Variants in INSYN2B observed in about 807,000 individuals in gnomAD.
INSYN2B encodes the protein inhibitory synaptic factor family member 2B.
INSYN2B carries 16 observed loss-of-function variants against 41.2 expected under a neutral mutation model. The ratio of observed to expected loss-of-function variants is 0.39; its 90% CI spans 0.26 to 0.59. The LOEUF is 0.59. INSYN2B is among the 20% of genes least tolerant of loss of function. INSYN2B has a pLI of 0.57. For missense variants in INSYN2B, 608 were observed against 646.4 expected (o/e 0.94, Z 0.64); for synonymous variants, 245 against 244.4 (o/e 1.00, Z -0.02).
At chr5:169,907,420 C>T (rs576261533) in intron 1 of INSYN2B, among the ~76,000 whole-genome samples, 50 of 152,280 alleles carry the variant, frequency 3.3e-4, no homozygotes, top group Non-Finnish European at 3.4e-4. Context: ...GTTTAAGTGG[C>T]TGATAATTGG....
intron 1 of INSYN2B, among the ~76,000 whole-genome samples, chr5:169,968,983 T>C (rs1777401571): frequency 6.6e-6 from 1 of 152,192 alleles, no homozygotes; most frequent in Non-Finnish European, 1.5e-5. Flanking sequence ...ACCATGCCTC[T>C]ACAAAAAATT....
At position 169,882,941 on chromosome 5, in the gene INSYN2B, G is replaced by A. The variant is rs1772746389; in HGVS notation, c.958C>T (p.Pro320Ser). Residue 320 changes from proline (P) to serine (S), a missense_variant, in exon 2 of 4, where the codon CCA becomes TCA. Physicochemically the swap from Pro to Ser is moderately conservative, Grantham distance 74. Transcript: ENST00000377365. ...TCTGAGGCTCTTCCTGGGTGGGCTG[G>A]CTGGCTGTGGGAGCCTTGTGAGGGG... Reference protein sequence around the residue: ...SSPSQGSHSQPAHPGRASDCP... With the variant: ...SSPSQGSHSQSAHPGRASDCP... The A allele has an allele frequency of 6.4e-7, 1 of 1,551,756 alleles. No homozygotes were observed. Among genetic ancestry groups the A allele is most frequent in the Non-Finnish European group, 8.7e-7 (1 of 1,146,976 alleles).
At chr5:169,898,430 G>C (rs1773733591) in intron 1 of INSYN2B, among the ~76,000 whole-genome samples, 1 of 152,140 alleles carries the variant, frequency 6.6e-6, no homozygotes, top group African/African-American at 2.4e-5. Flanking sequence ...TACTAGCTCT[G>C]TGACCTTGGT....
chr5:169,918,313 C>T (rs115992083), intron 1 of INSYN2B, among the ~76,000 whole-genome samples: 2 of 152,304 alleles, frequency 1.3e-5, no homozygotes, highest in South Asian at 2.1e-4. Flanking sequence ...ATAAATTATA[C>T]TCTGCCTATA....
At chr5:169,899,279 G>A (rs898608200) in intron 1 of INSYN2B, among the ~76,000 whole-genome samples, 1 of 152,184 alleles carries the variant, frequency 6.6e-6, no homozygotes, top group Non-Finnish European at 1.5e-5. Flanking sequence ...ATTAGGAAGA[G>A]CAAGAGTCTT....
chr5:169,894,436 T>C (rs549526208), intron 1 of INSYN2B, among the ~76,000 whole-genome samples: 1 of 152,302 alleles, frequency 6.6e-6, no homozygotes, highest in East Asian at 1.9e-4. Context: ...AGGACAACTG[T>C]TGGGCCCTGG....
At chr5:169,954,035 G>A (rs1158135292) in intron 1 of INSYN2B, among the ~76,000 whole-genome samples, 1 of 152,192 alleles carries the variant, frequency 6.6e-6, no homozygotes, top group Non-Finnish European at 1.5e-5. Context: ...TGGTTCTAGA[G>A]CAATCCTAAG....
chr5:169,958,757 A>G (rs533360651), intron 1 of INSYN2B, among the ~76,000 whole-genome samples: 2 of 152,326 alleles, frequency 1.3e-5, no homozygotes, highest in East Asian at 3.9e-4. Context: ...GAGGGCATTC[A>G]GGCAGGAGGG....
chr5:169,905,960 A>G lies in INSYN2B; in HGVS notation c.-918-21144T>C, dbSNP rs59718322. ...TCTAAAATGTCTGTTGCCTTCGTTC[A>G]GAAAGCCTCTATTCTACTTTACCCA... On this transcript the variant is annotated intron_variant, in intron 1 of 3. Transcript: ENST00000377365. Among the ~76,000 whole-genome samples the G allele has an allele frequency of 5.6e-3, 850 of 152,350 alleles. 8 individuals carry two copies. Among genetic ancestry groups the G allele is most frequent in the Middle Eastern group, 0.017 (5 of 294 alleles).
Position 169,882,810 on chromosome 5 carries a change from G to A in INSYN2B, c.1089C>T (p.Thr363=), listed in dbSNP as rs115307165. The A allele has an allele frequency of 2.4e-3, 3,704 of 1,551,368 alleles. 37 individuals carry two copies. The highest frequency in any genetic ancestry group is 8.7e-3 in the South Asian group (732 of 84,028). ...GCQEQTANNP[T]ESDTLEFPNC... ...TTGGAAACTCCAGTGTGTCTGACTC[G>A]GTGGGGTTGTTTGCCGTCTGCTCCT... The change falls in exon 2 of 4, where the codon ACC becomes ACT. Residue 363 remains threonine, a synonymous_variant. Coordinates refer to ENST00000377365, the MANE Select transcript of INSYN2B (RefSeq NM_001129891.3).
intron 1 of INSYN2B, among the ~76,000 whole-genome samples, chr5:169,965,161 G>A (rs956496779): frequency 3.3e-5 from 5 of 152,190 alleles, no homozygotes; most frequent in Admixed American, 2.0e-4. Context: ...TGCAGAGAAG[G>A]CTTACAAAAG....
chr5:169,894,535 A>G (rs1773481893), intron 1 of INSYN2B, among the ~76,000 whole-genome samples: 1 of 152,184 alleles, frequency 6.6e-6, no homozygotes, highest in Admixed American at 6.5e-5. Context: ...CCCTGCCTAC[A>G]CTGAAGAATT....
chr5:169,933,087 T>G (rs1290331434), intron 1 of INSYN2B, among the ~76,000 whole-genome samples: 1 of 152,178 alleles, frequency 6.6e-6, no homozygotes, highest in African/African-American at 2.4e-5. Context: ...AGTCGTTAAG[T>G]AAGAGAGATG....
chr5:169,923,708 A>G (rs1775296824), intron 1 of INSYN2B, among the ~76,000 whole-genome samples: 1 of 152,246 alleles, frequency 6.6e-6, no homozygotes, highest in Non-Finnish European at 1.5e-5. Context: ...CATGTATTTT[A>G]TAAGTTTTAA....
intron 3 of INSYN2B, among the ~76,000 whole-genome samples, chr5:169,878,409 C>T (rs1772451222): frequency 6.6e-6 from 1 of 152,102 alleles, no homozygotes; most frequent in Admixed American, 6.5e-5. Context: ...AAATGCAGAC[C>T]TGCATCAATT....
chr5:169,875,574 G>A (rs1772276638), intron 3 of INSYN2B: 2 of 231,596 alleles, frequency 8.6e-6, no homozygotes, highest in Non-Finnish European at 1.8e-5. Context: ...GAATAATTGT[G>A]CAAGTGCCTC....
At position 169,925,578 on chromosome 5, in the gene INSYN2B, T is replaced by TAAAAAAAAA. The variant is rs1561828965; in HGVS notation, c.-918-40763_-918-40762insTTTTTTTTT. 1.5e-4 allele frequency among the ~76,000 whole-genome samples: 5 copies of TAAAAAAAAA among 32,324 alleles called. 2 individuals carry two copies. The highest frequency in any genetic ancestry group is 6.4e-4 in the African/African-American group (5 of 7,838). 21.2% of individuals were successfully genotyped at this position (32,324 alleles called of 152,430 possible). ...CTGGGCGACAGAGCAAGACTCTGTC[T>TAAAAAAAAA]TAAAAAAAAAAAAAAAAAAAAAAAA... On this transcript the variant is annotated intron_variant, in intron 1 of 3. Transcript: ENST00000377365.
intron 1 of INSYN2B, among the ~76,000 whole-genome samples, chr5:169,891,073 C>T (rs976083089): frequency 5.9e-5 from 9 of 152,222 alleles, no homozygotes; most frequent in African/African-American, 2.2e-4. Flanking sequence ...TGTCTACCTT[C>T]CTTGTCCCAT....
intron 1 of INSYN2B, among the ~76,000 whole-genome samples, chr5:169,892,819 C>T (rs1773374760): frequency 6.6e-6 from 1 of 152,334 alleles, no homozygotes; most frequent in East Asian, 1.9e-4. Context: ...TGAAAGGTTA[C>T]AAATCTAGCT....
Sources: allele counts gnomAD v4.1 joint callset (sites outside exome capture counted in the v4.1 genomes callset), GRCh38; gene constraint gnomAD v4.1.1; transcripts MANE v1.5; gene names NCBI Gene and HGNC (gene_info 2026-07-23, HGNC 2026-07-21).